The following BUB1B variants were observed in gnomAD, a reference collection of about 807,000 sequenced individuals.
BUB1B encodes BUB1 mitotic checkpoint serine/threonine kinase B.
BUB1B carries 86 observed loss-of-function variants against 137.7 expected under a neutral mutation model. That is an observed-to-expected ratio of 0.62 (90% CI 0.52 to 0.75). The LOEUF (loss-of-function observed/expected upper bound fraction) is 0.75, where lower values mean the gene tolerates loss of function less well. BUB1B is among the 30% of genes least tolerant of loss of function. The pLI is 0.00. For missense variants in BUB1B, 1,130 were observed against 1,236.9 expected (o/e 0.91, Z 1.30); for synonymous variants, 420 against 417.9 (o/e 1.00, Z -0.06).
intron 8 of BUB1B, among the ~76,000 whole-genome samples, chr15:40,195,210 A>G (rs958176720): frequency 1.3e-5 from 2 of 151,442 alleles, no homozygotes; most frequent in African/African-American, 4.9e-5. Flanking sequence ...CTTAGCTCCC[A>G]CTTATAAGTG....
intron 1 of BUB1B, among the ~76,000 whole-genome samples, chr15:40,164,161 T>C (rs965323903): frequency 6.6e-6 from 1 of 152,202 alleles, no homozygotes; most frequent in African/African-American, 2.4e-5. Context: ...TAGCTACTTA[T>C]ATGTACAAAC....
chr15:40,194,769 T>A (rs1467302754), intron 8 of BUB1B, among the ~76,000 whole-genome samples: 1 of 152,242 alleles, frequency 6.6e-6, no homozygotes, highest in African/African-American at 2.4e-5. Flanking sequence ...AGGTTCCTAA[T>A]GCTATATTCT....
At chr15:40,199,833 T>C in intron 10 of BUB1B, 106 bp downstream of exon 10, 1 of 904,354 alleles carries the variant, frequency 1.1e-6, no homozygotes, top group Non-Finnish European at 1.8e-6. Context: ...TTAGAGTTTC[T>C]GGTAGTTTCT....
intron 8 of BUB1B, among the ~76,000 whole-genome samples, chr15:40,186,389 G>A (rs2037361150): frequency 2.1e-5 from 3 of 145,624 alleles, no homozygotes; most frequent in African/African-American, 7.5e-5. Flanking sequence ...AAATAAACAA[G>A]CCAGCCTGAG....
intron 5 of BUB1B, among the ~76,000 whole-genome samples, chr15:40,181,502 T>G (rs1327006811): frequency 2.2e-5 from 1 of 45,330 alleles, no homozygotes; most frequent in Non-Finnish European, 7.4e-5. Flanking sequence ...TTAAAATGAT[T>G]TTTTATACCT....
intron 8 of BUB1B, among the ~76,000 whole-genome samples, chr15:40,186,412 G>T (rs2037361532): frequency 7.0e-6 from 1 of 142,514 alleles, no homozygotes; most frequent in Admixed American, 7.1e-5. Context: ...TTAGTCTAAT[G>T]CTTAACATTG....
intron 8 of BUB1B, among the ~76,000 whole-genome samples, chr15:40,192,369 T>G (rs78391519): frequency 2.9e-4 from 44 of 152,312 alleles, no homozygotes; most frequent in African/African-American, 7.7e-4. Context: ...TTTGTTATAA[T>G]TGATGAACCA....
At chr15:40,169,074 C>A (rs2037132206) in intron 2 of BUB1B, among the ~76,000 whole-genome samples, 2 of 152,146 alleles carry the variant, frequency 1.3e-5, no homozygotes, top group South Asian at 2.1e-4. Flanking sequence ...TCAAACATAA[C>A]TGCTTATCCA....
intron 5 of BUB1B, among the ~76,000 whole-genome samples, chr15:40,180,289 T>A (rs1258917185): frequency 7.0e-6 from 1 of 142,442 alleles, no homozygotes. Flanking sequence ...AGTCTTGCTC[T>A]GTCACCCAGG....
chr15:40,212,502 T>G lies in BUB1B; in HGVS notation c.2389T>G (p.Ser797Ala), dbSNP rs150707631. Reference protein sequence around the residue: ...NSAELTVIKVSSQPVPWDFYI... With the variant: ...NSAELTVIKVASQPVPWDFYI... The stretch of plus-strand genomic sequence containing the variant: ...TTTAAAATACAATGTCTTACAGGTA[T>G]CTTCTCAACCTGTCCCATGGGACTT... The change falls in exon 19 of 23, where the codon TCT (serine) becomes GCT (alanine). Residue 797 changes from serine to alanine, a missense_variant. Physicochemically the swap from Ser to Ala is moderately conservative, Grantham distance 99. Transcript: ENST00000287598. 6.4e-5 allele frequency: 103 copies of G among 1,610,970 alleles called. No individual in the cohort carries two copies. The African/African-American group carries it at 1.3e-3, about 20-fold the overall frequency.
chr15:40,199,789 A>G (rs1237157713), intron 10 of BUB1B, 62 bp downstream of exon 10: 1 of 1,313,486 alleles, frequency 7.6e-7, no homozygotes. Flanking sequence ...AACATTATAA[A>G]AATATAGAAG....
chr15:40,188,418 G>A (rs573322713), intron 8 of BUB1B, among the ~76,000 whole-genome samples: 47 of 152,034 alleles, frequency 3.1e-4, no homozygotes, highest in African/African-American at 1.1e-3. Flanking sequence ...TTTAGGTTGC[G>A]TTTTGCTTAG....
At chr15:40,208,851 T>C in intron 16 of BUB1B, 81 bp downstream of exon 16, 1 of 1,434,570 alleles carries the variant, frequency 7.0e-7, no homozygotes, top group Non-Finnish European at 9.7e-7. Flanking sequence ...TTTTCTTTTT[T>C]TGAGACAGGG....
chr15:40,198,239 G>GTT (rs35740616), intron 9 of BUB1B, among the ~76,000 whole-genome samples: 11,656 of 146,070 alleles, frequency 0.08, 1,477 homozygotes, highest in African/African-American at 0.27. Flanking sequence ...TTTCTATTGT[G>GTT]TTTTTTTTTT....
In BUB1B at chr15:40,196,625, A is replaced by C. The variant is rs990478595; in HGVS notation, c.1139A>C (p.Gln380Pro). The change falls in exon 9 of 23, where the codon CAA becomes CCA. Residue 380 changes from glutamine to proline, a missense_variant. Gln to Pro is a moderately conservative substitution (Grantham distance 76). Transcript: ENST00000287598. ...KPGKEEGDPL[Q>P]RVQSHQQASE... ...GGAAAGGAAGAAGGAGATCCTCTAC[A>C]AAGGGTTCAGAGCCATCAGCAAGCG... 3.1e-6 allele frequency: 5 copies of C among 1,614,064 alleles called. No individual in the cohort carries two copies. The highest frequency in any genetic ancestry group is 4.2e-6 in the Non-Finnish European group (5 of 1,179,938).
rs1474009832 is a variant in BUB1B at position 40,183,877 on chromosome 15, C to G, written c.745C>G (p.Leu249Val). ...TCCAATCATCCGTGTAGGAGGTGCT[C>G]TCAAGGGTAAGTTTGTTAAACGTTA... Reference protein sequence around the residue: ...RAPIIRVGGALKAPSQNRGLQ... With the variant: ...RAPIIRVGGAVKAPSQNRGLQ... The change falls in exon 6 of 23, where the codon CTC becomes GTC. Residue 249 changes from leucine (L) to valine (V), a missense_variant. Coordinates refer to ENST00000287598, the MANE Select transcript of BUB1B (RefSeq NM_001211.6). 1 of 1,613,862 alleles carries G rather than the reference C, an allele frequency of 6.2e-7. No individual in the cohort carries two copies. The highest frequency in any genetic ancestry group is 8.5e-7 in the Non-Finnish European group (1 of 1,179,920).
In BUB1B at chr15:40,199,716, A is replaced by T. The variant is rs1389722608; in HGVS notation, c.1390A>T (p.Thr464Ser). Reference sequence around the variant, plus strand: ...AATCCAAACTACTCAGCAAGAAAGAACAGGTGATCAGGTAATTTTTCTTTT... The same window carrying T: ...AATCCAAACTACTCAGCAAGAAAGATCAGGTGATCAGGTAATTTTTCTTTT... Reference protein sequence around the residue: ...KEIQTTQQERTGDQQEETMPT... With the variant: ...KEIQTTQQERSGDQQEETMPT... Residue 464 changes from threonine (T) to serine (S), a missense_variant, in exon 10 of 23, where the codon ACA becomes TCA. Coordinates refer to ENST00000287598, the MANE Select transcript of BUB1B (RefSeq NM_001211.6). 1 of 1,612,080 alleles carries T rather than the reference A, an allele frequency of 6.2e-7. No individual in the cohort carries two copies. The highest frequency in any genetic ancestry group is 1.3e-5 in the African/African-American group (1 of 74,914).
intron 1 of BUB1B, among the ~76,000 whole-genome samples, chr15:40,164,375 G>A (rs2037071070): frequency 6.6e-6 from 1 of 152,022 alleles, no homozygotes; most frequent in South Asian, 2.1e-4. Context: ...CCATGGGCGT[G>A]TACCACCACG....
chr15:40,216,598 A>G (rs549529205), intron 20 of BUB1B, among the ~76,000 whole-genome samples: 1 of 132,684 alleles, frequency 7.5e-6, no homozygotes, highest in Admixed American at 8.4e-5. Context: ...ATTATAGTAT[A>G]GTTTTATGGT....
Sources: gnomAD v4.1 joint callset for allele counts (sites outside exome capture counted in the v4.1 genomes callset) on GRCh38, gnomAD v4.1.1 for gene constraint, MANE v1.5 for transcripts, NCBI Gene and HGNC (gene_info 2026-07-23, HGNC 2026-07-21) for gene names.